The following DNAH6 variants were observed in gnomAD, a reference collection of about 807,000 sequenced individuals.
DNAH6 encodes the protein axonemal beta dynein heavy chain 6.
A neutral mutation model predicts 491.4 loss-of-function variants in DNAH6; 340 were observed. The ratio of observed to expected loss-of-function variants is 0.69; its 90% CI spans 0.63 to 0.76. The LOEUF (loss-of-function observed/expected upper bound fraction) is 0.76. DNAH6 is among the 30% of genes least tolerant of loss of function. The pLI is 0.00. For synonymous variants in DNAH6, 1,603 were observed against 1,686.1 expected (o/e 0.95, Z 1.21); for missense variants, 4,443 against 4,972.2 (o/e 0.89, Z 3.20).
At chr2:84,521,486 AT>A (rs796355783) in intron 2 of DNAH6, among the ~76,000 whole-genome samples, 6 of 152,150 alleles carry the variant, frequency 3.9e-5, no homozygotes, top group African/African-American at 1.4e-4. Flanking sequence ...ATTAGATCCC[AT>A]TTGTCAATTT....
At chr2:84,770,515 A>G (rs1426270367) in intron 64 of DNAH6, among the ~76,000 whole-genome samples, 2 of 152,216 alleles carry the variant, frequency 1.3e-5, no homozygotes, top group Non-Finnish European at 2.9e-5. Flanking sequence ...TCAATGAGAT[A>G]GAATTTATTA....
intron 60 of DNAH6, among the ~76,000 whole-genome samples, chr2:84,725,144 G>A (rs2104945062): frequency 6.6e-6 from 1 of 152,300 alleles, no homozygotes; most frequent in South Asian, 2.1e-4. Context: ...AGTGTTTCAT[G>A]AATGAAGAGT....
intron 67 of DNAH6, among the ~76,000 whole-genome samples, chr2:84,786,269 T>A (rs942775933): frequency 6.6e-6 from 1 of 151,588 alleles, no homozygotes; most frequent in Non-Finnish European, 1.5e-5. Context: ...CTACAAAAGT[T>A]TTAAAAAATA....
chr2:84,544,928 A>G (rs1037862), intron 5 of DNAH6, among the ~76,000 whole-genome samples: 124,334 of 152,084 alleles, frequency 0.82, 53,413 homozygotes, highest in East Asian at 0.99. Context: ...AATATATCAT[A>G]TATTTCCTTT....
At chr2:84,765,560 T>C (rs1559016014) in intron 64 of DNAH6, among the ~76,000 whole-genome samples, 1 of 152,018 alleles carries the variant, frequency 6.6e-6, no homozygotes, top group Non-Finnish European at 1.5e-5. Flanking sequence ...TGTTAAAATT[T>C]TAGGGGAAAA....
chr2:84,517,765 C>T lies in DNAH6; in HGVS notation c.-8-54C>T. Reference sequence around the variant, plus strand: ...AAGTCCCTCTCCAGTAGCCTCCTTCCCCAATCCTTTTGATCTACTTTTCAT... The same window carrying T: ...AAGTCCCTCTCCAGTAGCCTCCTTCTCCAATCCTTTTGATCTACTTTTCAT... On this transcript the variant is annotated intron_variant, in intron 1 of 76. Transcript: ENST00000389394. 6 of 1,390,632 alleles carry T rather than the reference C, an allele frequency of 4.3e-6. No individual in the cohort carries two copies. The South Asian group carries it at 6.8e-5, about 16-fold the overall frequency. 86.1% of individuals were successfully genotyped at this position (1,390,632 alleles called of 1,614,324 possible).
At chr2:84,591,284 A>C (rs1476080241) in intron 16 of DNAH6, among the ~76,000 whole-genome samples, 1 of 152,244 alleles carries the variant, frequency 6.6e-6, no homozygotes, top group African/African-American at 2.4e-5. Context: ...TACGTGAATT[A>C]GTTGCATTTC....
At chr2:84,657,580 G>A (rs947819992) in intron 35 of DNAH6, among the ~76,000 whole-genome samples, 1 of 151,926 alleles carries the variant, frequency 6.6e-6, no homozygotes, top group African/African-American at 2.4e-5. Context: ...AATGTAAATT[G>A]TGTTATATTT....
intron 63 of DNAH6, among the ~76,000 whole-genome samples, chr2:84,749,719 A>G (rs1673287208): frequency 6.6e-6 from 1 of 152,222 alleles, no homozygotes; most frequent in Non-Finnish European, 1.5e-5. Context: ...TCTCCAGTGA[A>G]TATGGACAAT....
At chr2:84,677,714 G>A (rs1162664497) in intron 41 of DNAH6, among the ~76,000 whole-genome samples, 1 of 152,212 alleles carries the variant, frequency 6.6e-6, no homozygotes, top group Non-Finnish European at 1.5e-5. Flanking sequence ...CAGATTGAGA[G>A]GCATTATTTT....
At chr2:84,794,844 C>T (rs1260772253) in intron 68 of DNAH6, among the ~76,000 whole-genome samples, 3 of 145,714 alleles carry the variant, frequency 2.1e-5, no homozygotes, top group African/African-American at 7.6e-5. Context: ...ACCCAAAGGA[C>T]TATAAATCAT....
intron 5 of DNAH6, among the ~76,000 whole-genome samples, chr2:84,545,875 A>T (rs529558310): frequency 1.4e-4 from 21 of 152,236 alleles, no homozygotes; most frequent in African/African-American, 4.8e-4. Flanking sequence ...TTTTGTTGGC[A>T]CCCGTGCCTA....
intron 31 of DNAH6, among the ~76,000 whole-genome samples, chr2:84,639,776 G>A (rs569796325): frequency 1.3e-5 from 2 of 152,172 alleles, no homozygotes; most frequent in South Asian, 4.2e-4. Context: ...TAATCAGCAG[G>A]GATAGGGCAG....
At position 84,784,816 on chromosome 2, in the gene DNAH6, G is replaced by T; in HGVS notation, c.10953+6G>T. The stretch of plus-strand genomic sequence containing the variant: ...TTCTTCAAAATTCTGTCAAGGTAAT[G>T]TATGCATATGGTTGGAACAATGTGA... On this transcript the variant is annotated splice_donor_region_variant and intron_variant, in intron 66 of 76. Transcript: ENST00000389394. The T allele has an allele frequency of 6.6e-7, 1 of 1,516,940 alleles. No individual in the cohort carries two copies. The highest frequency in any genetic ancestry group is 1.2e-5 in the South Asian group (1 of 83,220). 94.0% of individuals were successfully genotyped at this position (1,516,940 alleles called of 1,614,324 possible).
At position 84,621,304 on chromosome 2, in the gene DNAH6, C is replaced by T. The variant is rs769444078; in HGVS notation, c.3906C>T (p.Asp1302=). The T allele has an allele frequency of 1.5e-5, 23 of 1,551,470 alleles. No individual in the cohort carries two copies. Among genetic ancestry groups the T allele is most frequent in the Non-Finnish European group, 2.0e-5 (23 of 1,146,898 alleles). Residue 1302 remains aspartate, a synonymous_variant, in exon 25 of 77, where the codon GAC becomes GAT. Coordinates refer to ENST00000389394, the MANE Select transcript of DNAH6 (RefSeq NM_001370.2). ...LRRLCKAAIA[D]YQGKLRTDWV... The stretch of plus-strand genomic sequence containing the variant: ...GCCTGTGCAAAGCTGCCATCGCTGA[C>T]TATCAGGGGAAACTGAGGACAGACT...
the DNAH6 span, among the ~76,000 whole-genome samples, chr2:84,491,951 C>T: frequency 0.88 from 134,029 of 152,132 alleles, 59,989 homozygotes; most frequent in East Asian, 1. Flanking sequence ...ACATTCAGGT[C>T]TTCCCCGTTG....
Position 84,812,367 on chromosome 2 carries a change from C to G in DNAH6, c.11766C>G (p.Ala3922=), listed in dbSNP as rs1680074725. 1.7e-5 allele frequency: 26 copies of G among 1,551,996 alleles called. No homozygotes were observed. The highest frequency in any genetic ancestry group is 2.3e-5 in the Non-Finnish European group (26 of 1,147,042). The change falls in exon 73 of 77, where the codon GCC becomes GCG. Residue 3922 remains alanine (A), a synonymous_variant. Coordinates refer to ENST00000389394, the MANE Select transcript of DNAH6 (RefSeq NM_001370.2). ...IHTSLETLNK[A]IAGFVVMSEE... is the part of the protein sequence containing the mutation. Reference sequence around the variant, plus strand: ...CTTCTCTGGAAACACTCAACAAAGCCATCGCTGGATTTGTGGTGATGTCTG... The same window carrying G: ...CTTCTCTGGAAACACTCAACAAAGCGATCGCTGGATTTGTGGTGATGTCTG...
At chr2:84,812,576 G>A (rs1476791375) in intron 73 of DNAH6, 50 bp downstream of exon 73, 17 of 1,484,430 alleles carry the variant, frequency 1.1e-5, no homozygotes, top group Non-Finnish European at 1.5e-5. Context: ...GGCATAGTTG[G>A]CCTAAGGTCC....
chr2:84,493,478 A>G, the DNAH6 span, among the ~76,000 whole-genome samples: 1 of 152,160 alleles, frequency 6.6e-6, no homozygotes, highest in Non-Finnish European at 1.5e-5. Flanking sequence ...TTAAATAAAT[A>G]TCTTTGTGCC....
Sources: gnomAD v4.1 joint callset for allele counts (sites outside exome capture counted in the v4.1 genomes callset) on GRCh38, gnomAD v4.1.1 for gene constraint, MANE v1.5 for transcripts, NCBI Gene and HGNC (gene_info 2026-07-23, HGNC 2026-07-21) for gene names.